Variants in JAKMIP3 observed in about 807,000 individuals in gnomAD.
JAKMIP3 encodes the protein janus kinase and microtubule-interacting protein 3.
A neutral mutation model predicts 118.5 loss-of-function variants in JAKMIP3; 58 were observed. That is an observed-to-expected ratio of 0.49 (90% confidence interval 0.40 to 0.61). The LOEUF (loss-of-function observed/expected upper bound fraction) is 0.61, where lower values mean the gene tolerates loss of function less well. Among genes scored for constraint, JAKMIP3 ranks in the 20% least tolerant of loss-of-function variants. JAKMIP3 has a pLI of 0.00. For synonymous variants in JAKMIP3, 486 were observed against 451.2 expected (o/e 1.08, Z -0.98); for missense variants, 950 against 1,109.0 (o/e 0.86, Z 2.04).
intron 19 of JAKMIP3, 82 bp from the exon 20 acceptor site, chr10:132,163,127 G>T: frequency 1.5e-6 from 2 of 1,329,922 alleles, no homozygotes; most frequent in Admixed American, 4.3e-5. Flanking sequence ...CAGGCGGAGG[G>T]TGGCCCGGCC....
intron 21 of JAKMIP3, among the ~76,000 whole-genome samples, chr10:132,165,757 G>A (rs187020999): frequency 9.2e-5 from 14 of 152,346 alleles, no homozygotes; most frequent in East Asian, 5.8e-4. Context: ...CCTCGTAGGC[G>A]GTGACACCCA....
chr10:132,084,759 T>C (rs7095708), intron 1 of JAKMIP3, among the ~76,000 whole-genome samples: 54,004 of 152,108 alleles, frequency 0.36, 10,035 homozygotes, highest in African/African-American at 0.47. Flanking sequence ...TGTATGCCAA[T>C]CTTGCTGAGA....
At chr10:132,103,335 G>T (rs1194434039) in intron 1 of JAKMIP3, among the ~76,000 whole-genome samples, 1 of 151,056 alleles carries the variant, frequency 6.6e-6, no homozygotes, top group Admixed American at 6.6e-5. Context: ...AGGAGCTGGG[G>T]TAGAGAAGCA....
chr10:132,120,254 C>T (rs568917527), intron 3 of JAKMIP3, among the ~76,000 whole-genome samples: 2 of 152,200 alleles, frequency 1.3e-5, no homozygotes, highest in South Asian at 2.1e-4. Context: ...CAGTGTTGCC[C>T]GTGAGAGCCC....
intron 2 of JAKMIP3, among the ~76,000 whole-genome samples, chr10:132,106,555 G>A (rs1196818487): frequency 3.9e-5 from 6 of 152,268 alleles, no homozygotes; most frequent in Admixed American, 1.3e-4. Context: ...GGCACAGCTC[G>A]GGGAGTCTCG....
chr10:132,121,148 C>T (rs1044062728), intron 3 of JAKMIP3, among the ~76,000 whole-genome samples: 1 of 152,128 alleles, frequency 6.6e-6, no homozygotes, highest in Non-Finnish European at 1.5e-5. Flanking sequence ...AGGCAGGGCC[C>T]TGCCCCAAGT....
intron 19 of JAKMIP3, among the ~76,000 whole-genome samples, chr10:132,157,514 G>T (rs553644662): frequency 6.6e-6 from 1 of 152,280 alleles, no homozygotes; most frequent in South Asian, 2.1e-4. Context: ...TGACCAAAGG[G>T]TATGCACACT....
intron 2 of JAKMIP3, among the ~76,000 whole-genome samples, chr10:132,109,063 T>C (rs995356231): frequency 1.6e-3 from 3 of 1,894 alleles, no homozygotes; most frequent in African/African-American, 2.2e-3. Flanking sequence ...TACATGCACA[T>C]ATACACACAT....
intron 1 of JAKMIP3, among the ~76,000 whole-genome samples, chr10:132,048,468 T>TGGAA (rs2037995375): frequency 6.6e-6 from 1 of 152,206 alleles, no homozygotes; most frequent in South Asian, 2.1e-4. Flanking sequence ...TGGATACTTA[T>TGGAA]TCCATGGGCT....
intron 21 of JAKMIP3, among the ~76,000 whole-genome samples, chr10:132,165,066 T>A (rs1470179341): frequency 6.6e-6 from 1 of 152,226 alleles, no homozygotes; most frequent in Non-Finnish European, 1.5e-5. Context: ...CTCGGGTTCC[T>A]CCCATCACTG....
chr10:132,089,937 A>C (rs1371536119), intron 1 of JAKMIP3, among the ~76,000 whole-genome samples: 1 of 152,158 alleles, frequency 6.6e-6, no homozygotes, highest in Non-Finnish European at 1.5e-5. Flanking sequence ...GAATTTTGTC[A>C]AAGGCCTTTT....
chr10:132,127,497 C>T (rs999149861), intron 3 of JAKMIP3, among the ~76,000 whole-genome samples: 1 of 152,056 alleles, frequency 6.6e-6, no homozygotes, highest in Non-Finnish European at 1.5e-5. Context: ...TCAGTTGATC[C>T]ACCCGCCTCA....
rs186278148 is a variant in JAKMIP3, at chr10:132,158,315, G to A, written c.2220+4325G>A. On this transcript the variant is annotated intron_variant, in intron 19 of 23. Coordinates refer to ENST00000684848, the MANE Select transcript of JAKMIP3 (RefSeq NM_001323087.2). ...GAGCATAGAGAGCTCCAGGAGTGGG[G>A]GCCCTGGCCCAGAGCAACTGCCACC... Among the ~76,000 whole-genome samples the A allele has an allele frequency of 2.5e-3, 380 of 152,258 alleles. 5 individuals are homozygous for A. Among genetic ancestry groups the A allele is most frequent in the South Asian group, 0.02 (98 of 4,828 alleles).
At chr10:132,134,585 C>T (rs923689109) in intron 4 of JAKMIP3, among the ~76,000 whole-genome samples, 2 of 152,176 alleles carry the variant, frequency 1.3e-5, no homozygotes, top group Non-Finnish European at 2.9e-5. Flanking sequence ...CTCATGTCAT[C>T]GTACCAGAGA....
At chr10:132,055,600 C>T (rs552093216) in intron 1 of JAKMIP3, among the ~76,000 whole-genome samples, 6 of 152,184 alleles carry the variant, frequency 3.9e-5, no homozygotes, top group South Asian at 4.1e-4. Flanking sequence ...GTTTGCCCGC[C>T]GGCAAGCAGG....
intron 9 of JAKMIP3, among the ~76,000 whole-genome samples, chr10:132,140,065 CTT>C (rs1440885733): frequency 1.3e-5 from 2 of 152,196 alleles, no homozygotes; most frequent in African/African-American, 4.8e-5. Context: ...AGGACTGAAA[CTT>C]TAAAAAATGG....
Position 132,180,684 on chromosome 10 carries a change from T to TGC in JAKMIP3, c.*1104-1672_*1104-1671insCG, listed in dbSNP as rs1212913971. ...GTGTGTGCGTGTGTGTGCGCGCGCG[T>TGC]GTGTGTGCGTGCGTGTGTGTGTGCG... On this transcript the variant is annotated intron_variant, in intron 23 of 23. Transcript: ENST00000684848. Among the ~76,000 whole-genome samples, 26 of 16,826 alleles carry TGC rather than the reference T, an allele frequency of 1.5e-3. 2 individuals are homozygous for TGC. In the East Asian group the frequency reaches 0.12, roughly 80 times the overall value. The allele number at this position is 16,826 out of a possible 152,430, so 11.0% of individuals were successfully genotyped here.
At chr10:132,176,684 G>T (rs182449414) in intron 23 of JAKMIP3, among the ~76,000 whole-genome samples, 31 of 152,144 alleles carry the variant, frequency 2.0e-4, no homozygotes, top group Admixed American at 3.3e-4. Flanking sequence ...GCATTTTTTT[G>T]GGTGTTTGTG....
At chr10:132,036,431 C>T (rs2037497421), upstream of JAKMIP3, among the ~76,000 whole-genome samples, 1 of 152,166 alleles carries the variant, frequency 6.6e-6, no homozygotes, top group Non-Finnish European at 1.5e-5. Context: ...AAGCCGGCGG[C>T]GCCCGGTGCC....
Sources: gnomAD v4.1 joint callset for allele counts (sites outside exome capture counted in the v4.1 genomes callset) on GRCh38, gnomAD v4.1.1 for gene constraint, MANE v1.5 for transcripts, NCBI Gene and HGNC (gene_info 2026-07-23, HGNC 2026-07-21) for gene names.